GTF2F2: variants seen among roughly 807,000 people sequenced by gnomAD.
GTF2F2 encodes the protein general transcription factor IIF subunit 2, also known as ATP-dependent helicase GTF2F2.
Under a neutral mutation model 42.2 loss-of-function variants are expected in GTF2F2, and 23 were observed. That is an observed-to-expected ratio of 0.55 (90% confidence interval 0.39 to 0.77). The LOEUF is 0.77. Among genes scored for constraint, GTF2F2 ranks in the 30% least tolerant of loss-of-function variants. The pLI is 0.00. For missense variants in GTF2F2, 261 were observed against 287.2 expected (o/e 0.91, Z 0.66); for synonymous variants, 105 against 100.8 (o/e 1.04, Z -0.25).
chr13:45,267,447 C>T (rs892887831), intron 7 of GTF2F2, 71 bp downstream of exon 7: 31 of 1,042,450 alleles, frequency 3.0e-5, no homozygotes, highest in Middle Eastern at 2.2e-4. Context: ...GAAAGTGTGT[C>T]ATACATGATT....
intron 4 of GTF2F2, among the ~76,000 whole-genome samples, chr13:45,186,578 A>T (rs908635390): frequency 6.6e-6 from 1 of 152,128 alleles, no homozygotes; most frequent in African/African-American, 2.4e-5. Context: ...GGTGTGAGCC[A>T]CCGCACCCAG....
At chr13:45,222,048 G>A (rs1460110715) in intron 5 of GTF2F2, among the ~76,000 whole-genome samples, 1 of 151,932 alleles carries the variant, frequency 6.6e-6, no homozygotes, top group Non-Finnish European at 1.5e-5. Flanking sequence ...TCTCCCCACC[G>A]CCGCCACTAC....
chr13:45,246,174 A>G (rs1186813148), intron 5 of GTF2F2, among the ~76,000 whole-genome samples: 1 of 150,402 alleles, frequency 6.6e-6, no homozygotes, highest in Non-Finnish European at 1.5e-5. Context: ...ATGCCCGGCT[A>G]ATTTTTTGTA....
At chr13:45,277,468 G>T (rs1877086105) in intron 7 of GTF2F2, among the ~76,000 whole-genome samples, 1 of 152,146 alleles carries the variant, frequency 6.6e-6, no homozygotes, top group African/African-American at 2.4e-5. Context: ...CCAGAGGGAT[G>T]GTGCTAATTC....
intron 4 of GTF2F2, among the ~76,000 whole-genome samples, chr13:45,167,940 A>G (rs17066502): frequency 0.046 from 6,971 of 152,300 alleles, 500 homozygotes; most frequent in African/African-American, 0.15. Flanking sequence ...GAGGGAAAAA[A>G]AAGTACACCA....
At chr13:45,175,507 TTA>T (rs965105242) in intron 4 of GTF2F2, among the ~76,000 whole-genome samples, 3 of 152,198 alleles carry the variant, frequency 2.0e-5, no homozygotes, top group African/African-American at 4.8e-5. Flanking sequence ...GTGTTCTTTT[TTA>T]TATATGTTTT....
chr13:45,176,815 G>GT (rs1055783250), intron 4 of GTF2F2, among the ~76,000 whole-genome samples: 3 of 151,792 alleles, frequency 2.0e-5, no homozygotes, highest in African/African-American at 7.2e-5. Flanking sequence ...GGGGGGGACG[G>GT]TCTCGCTCCA....
intron 4 of GTF2F2, among the ~76,000 whole-genome samples, chr13:45,179,726 C>T (rs141798001): frequency 6.6e-6 from 1 of 151,982 alleles, no homozygotes; most frequent in Non-Finnish European, 1.5e-5. Flanking sequence ...TTCTTATTAT[C>T]TTGTGGTCTT....
chr13:45,126,919 C>G (rs1869036875), intron 1 of GTF2F2, among the ~76,000 whole-genome samples: 1 of 152,056 alleles, frequency 6.6e-6, no homozygotes, highest in Non-Finnish European at 1.5e-5. Context: ...GCAACCATAC[C>G]CTGTTGTACT....
At chr13:45,185,220 T>C (rs1254481519) in intron 4 of GTF2F2, among the ~76,000 whole-genome samples, 1 of 152,164 alleles carries the variant, frequency 6.6e-6, no homozygotes, top group Admixed American at 6.5e-5. Flanking sequence ...TCCTTTTTCT[T>C]CTGTCTTATT....
intron 4 of GTF2F2, among the ~76,000 whole-genome samples, chr13:45,179,428 G>A (rs572614813): frequency 9.8e-4 from 149 of 152,322 alleles, no homozygotes; most frequent in African/African-American, 3.4e-3. Flanking sequence ...AATACTTGGG[G>A]TGTAACTAGA....
At chr13:45,271,464 A>T (rs960285116) in intron 7 of GTF2F2, among the ~76,000 whole-genome samples, 2 of 149,818 alleles carry the variant, frequency 1.3e-5, no homozygotes, top group African/African-American at 4.9e-5. Context: ...GATCACTGCA[A>T]CCTCCACCTC....
chr13:45,232,857 TG>T (rs1490165528), intron 5 of GTF2F2, among the ~76,000 whole-genome samples: 1 of 152,212 alleles, frequency 6.6e-6, no homozygotes, highest in African/African-American at 2.4e-5. Flanking sequence ...GTGTGTACTT[TG>T]CAGAAAATAC....
intron 4 of GTF2F2, among the ~76,000 whole-genome samples, chr13:45,160,650 A>G (rs1870991016): frequency 6.6e-6 from 1 of 152,234 alleles, no homozygotes; most frequent in Non-Finnish European, 1.5e-5. Context: ...ATTTTATCAG[A>G]AAAGTTTTTA....
At chr13:45,170,543 C>CT (rs1345924675) in intron 4 of GTF2F2, among the ~76,000 whole-genome samples, 6 of 152,062 alleles carry the variant, frequency 3.9e-5, no homozygotes, top group Non-Finnish European at 7.4e-5. Flanking sequence ...CAACAAATGA[C>CT]TTTTTTTTCA....
At chr13:45,220,937 A>ATGTGTGTGTGTGTG (rs145850282) in intron 5 of GTF2F2, 1 of 144,414 alleles carries the variant, frequency 6.9e-6, no homozygotes, top group East Asian at 2.0e-4. Context: ...CTTAAAATGT[A>ATGTGTGTGTGTGTG]TGTGTGTGTG....
chr13:45,152,875 A>G (rs1035814187), intron 4 of GTF2F2, among the ~76,000 whole-genome samples: 2 of 152,210 alleles, frequency 1.3e-5, no homozygotes, highest in Admixed American at 1.3e-4. Flanking sequence ...ATTTTCTCCT[A>G]TCTAGTTCAA....
rs927535095 is a variant in GTF2F2 at position 45,272,115 on chromosome 13, A to T, written c.630+4739A>T. 3.3e-4 allele frequency among the ~76,000 whole-genome samples: 50 copies of T among 149,466 alleles called. No individual in the cohort carries two copies. The South Asian group carries it at 4.2e-3, about 12-fold the overall frequency. On this transcript the variant is annotated intron_variant, in intron 7 of 7. Transcript: ENST00000340473. ...TTTAAATATAAATTTTTTATATTTTAAAAAAAAGACAATTTCCCAACAGAG... is the reference window on the plus strand; with the variant it reads ...TTTAAATATAAATTTTTTATATTTTTAAAAAAAGACAATTTCCCAACAGAG...
At chr13:45,130,468 G>A (rs542218275) in intron 1 of GTF2F2, among the ~76,000 whole-genome samples, 1 of 152,306 alleles carries the variant, frequency 6.6e-6, no homozygotes, top group Admixed American at 6.5e-5. Context: ...CATTCTGGCT[G>A]CTTTATTGAG....
Sources: allele counts gnomAD v4.1 joint callset (sites outside exome capture counted in the v4.1 genomes callset), GRCh38; gene constraint gnomAD v4.1.1; transcripts MANE v1.5; gene names NCBI Gene and HGNC (gene_info 2026-07-23, HGNC 2026-07-21).